The following ROBO1 variants were observed in gnomAD, a reference collection of about 807,000 sequenced individuals.
ROBO1 encodes roundabout guidance receptor 1.
In ROBO1, 149 loss-of-function variants were observed where a neutral mutation model predicts 195.9. That is an observed-to-expected ratio of 0.76 (90% CI 0.67 to 0.87). The LOEUF (loss-of-function observed/expected upper bound fraction) is 0.87. Ranked by LOEUF, ROBO1 falls within the 40% of genes least tolerant of loss-of-function variation. ROBO1 has a pLI of 0.00. For missense variants in ROBO1, 1,933 were observed against 2,068.3 expected, an observed-to-expected ratio of 0.93 and a Z score of 1.27; for synonymous variants, 816 against 733.2, an observed-to-expected ratio of 1.11 and a Z score of -1.82.
chr3:79,019,141 C>T, intron 3 of ROBO1: 3 of 986,224 alleles, frequency 3.0e-6, no homozygotes, highest in Non-Finnish European at 3.6e-6. Flanking sequence ...AGCAGCAGGA[C>T]CGCGGACACT....
At chr3:79,114,760 G>A (rs1283245757) in intron 3 of ROBO1, among the ~76,000 whole-genome samples, 1 of 152,162 alleles carries the variant, frequency 6.6e-6, no homozygotes, top group Non-Finnish European at 1.5e-5. Flanking sequence ...CATTGTGTAT[G>A]TAGTATTTTT....
chr3:79,380,780 G>T (rs1201577992), intron 2 of ROBO1, among the ~76,000 whole-genome samples: 2 of 151,968 alleles, frequency 1.3e-5, no homozygotes, highest in Non-Finnish European at 2.9e-5. Context: ...GACTCACTCT[G>T]ACTAACAAAA....
chr3:78,977,304 C>A, intron 3 of ROBO1, among the ~76,000 whole-genome samples: 1 of 152,078 alleles, frequency 6.6e-6, no homozygotes, highest in East Asian at 1.9e-4. Context: ...TACTCACACA[C>A]TTCCCTCATC....
chr3:79,493,252 C>T (rs1005522633), intron 2 of ROBO1, among the ~76,000 whole-genome samples: 4 of 151,822 alleles, frequency 2.6e-5, no homozygotes, highest in Non-Finnish European at 5.9e-5. Flanking sequence ...TTAAAAATGC[C>T]CTTGCTACAA....
chr3:79,445,236 A>G (rs1044761918), intron 2 of ROBO1, among the ~76,000 whole-genome samples: 2 of 151,792 alleles, frequency 1.3e-5, no homozygotes, highest in African/African-American at 2.4e-5. Flanking sequence ...CGTACATCAT[A>G]TCCACACCAA....
At chr3:78,994,851 CT>C (rs1166746283) in intron 3 of ROBO1, among the ~76,000 whole-genome samples, 1 of 152,096 alleles carries the variant, frequency 6.6e-6, no homozygotes, top group Non-Finnish European at 1.5e-5. Flanking sequence ...CCTTCACTGT[CT>C]CAGTGAAAAG....
At chr3:79,427,072 TC>T (rs1465158984) in intron 2 of ROBO1, among the ~76,000 whole-genome samples, 1 of 152,188 alleles carries the variant, frequency 6.6e-6, no homozygotes. Context: ...GGAGACTGAC[TC>T]TTTCAAGCTC....
chr3:79,421,146 T>C (rs1240975016), intron 2 of ROBO1, among the ~76,000 whole-genome samples: 1 of 152,074 alleles, frequency 6.6e-6, no homozygotes, highest in Non-Finnish European at 1.5e-5. Context: ...CAGCATGTTC[T>C]CACTTACAAG....
At chr3:79,033,657 T>G (rs2078333541) in intron 3 of ROBO1, among the ~76,000 whole-genome samples, 1 of 152,182 alleles carries the variant, frequency 6.6e-6, no homozygotes, top group Non-Finnish European at 1.5e-5. Context: ...ACTTTATCAT[T>G]AGGGTGGCCT....
chr3:78,825,411 C>A (rs1331569941), intron 4 of ROBO1, among the ~76,000 whole-genome samples: 3 of 152,106 alleles, frequency 2.0e-5, no homozygotes, highest in African/African-American at 7.2e-5. Flanking sequence ...AGCTGATGAC[C>A]TTAACCAGTC....
chr3:78,646,202 CG>C lies in ROBO1; in HGVS notation c.2840-13del. On this transcript the variant is annotated splice_polypyrimidine_tract_variant and intron_variant, in intron 20 of 30. Transcript: ENST00000464233. ...TCTCTGGTAAGTTACTAGAATGTTA[CG>C]AAAAAAAAAAGGAACAATTAATAGA... 3.2e-6 allele frequency: 5 copies of C among 1,560,668 alleles called. No individual in the cohort carries two copies. In the East Asian group the frequency reaches 1.1e-4, roughly 36 times the overall value.
chr3:79,020,775 A>G (rs1001481536), intron 3 of ROBO1, among the ~76,000 whole-genome samples: 3 of 152,194 alleles, frequency 2.0e-5, no homozygotes, highest in Non-Finnish European at 4.4e-5. Flanking sequence ...CAGAATTAAT[A>G]TCTACAGAGT....
chr3:79,534,232 T>C (rs942673539), intron 2 of ROBO1, among the ~76,000 whole-genome samples: 4 of 151,664 alleles, frequency 2.6e-5, no homozygotes, highest in African/African-American at 9.7e-5. Context: ...GACACCTTGA[T>C]TTTGGCCTGT....
intron 4 of ROBO1, among the ~76,000 whole-genome samples, chr3:78,786,916 C>T (rs995413139): frequency 2.0e-5 from 3 of 152,162 alleles, no homozygotes; most frequent in Non-Finnish European, 1.5e-5. Context: ...AGAAGGTAAG[C>T]AGCTCACTCA....
chr3:78,959,424 T>A (rs1227418648), intron 3 of ROBO1, among the ~76,000 whole-genome samples: 1 of 152,222 alleles, frequency 6.6e-6, no homozygotes, highest in Non-Finnish European at 1.5e-5. Context: ...TCTACTTGTT[T>A]TTTATATTAA....
chr3:79,631,403 T>C (rs1945336059), intron 1 of ROBO1, among the ~76,000 whole-genome samples: 1 of 152,002 alleles, frequency 6.6e-6, no homozygotes, highest in Admixed American at 6.6e-5. Flanking sequence ...TCCTATTCAA[T>C]ACATTGTGCT....
intron 4 of ROBO1, among the ~76,000 whole-genome samples, chr3:78,821,633 TCAA>T (rs1358474391): frequency 6.6e-6 from 1 of 152,184 alleles, no homozygotes; most frequent in Non-Finnish European, 1.5e-5. Flanking sequence ...AAATTAATTG[TCAA>T]CAGATTGATA....
rs1432402685 is a variant in ROBO1 at position 78,946,715 on chromosome 3, GAC to G, written c.173-7790_173-7789del. On this transcript the variant is annotated intron_variant, in intron 3 of 30. Coordinates refer to ENST00000464233, the MANE Select transcript of ROBO1 (RefSeq NM_002941.4). ...AATGGGCTAAATGCTCCAATTAAAA[GAC>G]ACAGACTGACAAATTGGATAAAGAG... Among the ~76,000 whole-genome samples, 4 of 152,278 alleles carry G rather than the reference GAC, an allele frequency of 2.6e-5. No homozygotes were observed. In the East Asian group the frequency reaches 7.7e-4, roughly 29 times the overall value.
intron 1 of ROBO1, among the ~76,000 whole-genome samples, chr3:79,721,211 C>A (rs1295854816): frequency 6.6e-6 from 1 of 152,142 alleles, no homozygotes; most frequent in Non-Finnish European, 1.5e-5. Flanking sequence ...AAGTGAAGAA[C>A]CCCTGTGCCA....
Sources: gnomAD v4.1 joint callset for allele counts (sites outside exome capture counted in the v4.1 genomes callset) on GRCh38, gnomAD v4.1.1 for gene constraint, MANE v1.5 for transcripts, NCBI Gene and HGNC (gene_info 2026-07-23, HGNC 2026-07-21) for gene names.